SMAD6: variants seen among roughly 807,000 people sequenced by gnomAD.
The protein encoded by SMAD6 is MAD homolog 6.
A neutral mutation model predicts 39.4 loss-of-function variants in SMAD6; 103 were observed. The observed-to-expected ratio is 2.62, with a 90% CI of 2.23 to 3.08. The LOEUF (loss-of-function observed/expected upper bound fraction) is 3.08, where lower values mean the gene tolerates loss of function less well. Ranked by LOEUF, SMAD6 falls within the 30% of genes most tolerant of loss-of-function variation. The pLI is 0.00. For missense variants in SMAD6, 1,104 were observed against 742.9 expected, an observed-to-expected ratio of 1.49 and a Z score of -5.65; for synonymous variants, 445 against 353.3, an observed-to-expected ratio of 1.26 and a Z score of -2.91.
At chr15:66,768,750 G>A (rs983800671) in intron 3 of SMAD6, among the ~76,000 whole-genome samples, 1 of 152,108 alleles carries the variant, frequency 6.6e-6, no homozygotes, top group Non-Finnish European at 1.5e-5. Context: ...TTTCAAACCT[G>A]GGGCTGGGTT....
rs138641861 is a variant in SMAD6 at position 66,721,072 on chromosome 15, G to A, written c.952+4574G>A. On this transcript the variant is annotated intron_variant, in intron 3 of 3. Coordinates refer to ENST00000288840, the MANE Select transcript of SMAD6 (RefSeq NM_005585.5). ...ACCAGACTGTAAGCTCCTTGAGGGC[G>A]CAGATCATTTTGTAGATTGTTGCAT... is the stretch of plus-strand genomic sequence containing the variant. Among the ~76,000 whole-genome samples, 812 of 152,290 alleles carry A rather than the reference G, an allele frequency of 5.3e-3. 8 individuals are homozygous for A. The highest frequency in any genetic ancestry group is 0.019 in the African/African-American group (773 of 41,550).
Position 66,781,237 on chromosome 15 carries a change from A to ACGG in SMAD6, c.1196_1198dup (p.Gly399dup). 6.2e-7 allele frequency: 1 copy of ACGG among 1,608,692 alleles called. No homozygotes were observed. The highest frequency in any genetic ancestry group is 8.5e-7 in the Non-Finnish European group (1 of 1,179,608). ...GGCATCCTGCTCAGCAAGGAGCCCG[A>ACGG]CGGCGTGTGGGCCTACAACCGCGGC... On this transcript the variant is annotated inframe_insertion, in exon 4 of 4. Transcript: ENST00000288840.
chr15:66,757,432 C>T (rs989628142), intron 3 of SMAD6, among the ~76,000 whole-genome samples: 4 of 152,174 alleles, frequency 2.6e-5, no homozygotes, highest in East Asian at 3.9e-4. Context: ...CAGGAGACAG[C>T]GGACACATTA....
intron 3 of SMAD6, among the ~76,000 whole-genome samples, chr15:66,765,726 C>G (rs950474303): frequency 6.6e-6 from 1 of 152,154 alleles, no homozygotes; most frequent in Non-Finnish European, 1.5e-5. Context: ...TGGGGGCATG[C>G]AGGTTGGGTT....
At chr15:66,713,022 G>A (rs913817974) in intron 2 of SMAD6, among the ~76,000 whole-genome samples, 1 of 152,118 alleles carries the variant, frequency 6.6e-6, no homozygotes, top group Non-Finnish European at 1.5e-5. Context: ...CAAAATAAAA[G>A]TGGAGATTGC....
chr15:66,780,014 A>G (rs1456581036), intron 3 of SMAD6, among the ~76,000 whole-genome samples: 1 of 152,182 alleles, frequency 6.6e-6, no homozygotes, highest in Non-Finnish European at 1.5e-5. Context: ...AGACACACAG[A>G]CGGCCCGAGT....
At position 66,703,624 on chromosome 15, in the gene SMAD6, G is replaced by GTT; in HGVS notation, c.366_367insTT (p.Thr123LeufsTer3). 1 of 1,231,302 alleles carries GTT rather than the reference G, an allele frequency of 8.1e-7. No homozygotes were observed. The highest frequency in any genetic ancestry group is 1.0e-6 in the Non-Finnish European group (1 of 984,780). The allele number at this position is 1,231,302 out of a possible 1,614,324, so 76.3% of individuals were successfully genotyped here. A position where few individuals can be genotyped will look rare whatever the true frequency, so the allele number is the denominator to read the frequency against. On this transcript the variant is annotated frameshift_variant, in exon 1 of 4. Transcript: ENST00000288840. LOFTEE classifies it high-confidence loss of function. Reference sequence around the variant, plus strand: ...GCTGGCTGCCCGAGAGTGACTGCGAGACGGTGACCTGCTGTCTCTTTTCGG... The same window carrying GTT: ...GCTGGCTGCCCGAGAGTGACTGCGAGTTACGGTGACCTGCTGTCTCTTTTCGG...
intron 3 of SMAD6, among the ~76,000 whole-genome samples, chr15:66,717,918 C>G (rs1893361907): frequency 6.6e-6 from 1 of 152,124 alleles, no homozygotes; most frequent in Non-Finnish European, 1.5e-5. Context: ...AATTTCAATC[C>G]TTTCTTTTTT....
Position 66,781,443 on chromosome 15 carries a change from A to C in SMAD6, c.1399A>C (p.Ser467Arg). 1 of 1,605,208 alleles carries C rather than the reference A, an allele frequency of 6.2e-7. No homozygotes were observed. The highest frequency in any genetic ancestry group is 8.5e-7 in the Non-Finnish European group (1 of 1,178,154). ...CTACGACCCCAACAGCGTCCGCATC[A>C]GCTTCGCCAAGGGCTGGGGGCCCTG... ...GPYDPNSVRI[S>R]FAKGWGPCYS... is the part of the protein sequence containing the mutation. The change falls in exon 4 of 4, where the codon AGC becomes CGC. Residue 467 changes from serine to arginine, a missense_variant. Coordinates refer to ENST00000288840, the MANE Select transcript of SMAD6 (RefSeq NM_005585.5).
chr15:66,716,874 T>A lies in SMAD6; in HGVS notation c.952+376T>A, dbSNP rs1166177845. The A allele has an allele frequency of 2.9e-5, 20 of 696,006 alleles. No individual in the cohort carries two copies. In the South Asian group the frequency reaches 3.3e-4, roughly 12 times the overall value. 43.1% of individuals were successfully genotyped at this position (696,006 alleles called of 1,614,324 possible). Reference sequence around the variant, plus strand: ...GTGGTATACATTTGTCTTCCTCCTGTCCTCACTCCAGGGGAGGGACCAATG... The same window carrying A: ...GTGGTATACATTTGTCTTCCTCCTGACCTCACTCCAGGGGAGGGACCAATG... On this transcript the variant is annotated intron_variant, in intron 3 of 3. Transcript: ENST00000288840.
intron 1 of SMAD6, chr15:66,707,158 A>C (rs1234986504): frequency 1.3e-5 from 2 of 151,994 alleles, no homozygotes; most frequent in Non-Finnish European, 2.9e-5. Flanking sequence ...GTGGGTGCCT[A>C]TGTGGACGGA....
chr15:66,778,522 C>T (rs1004538740), intron 3 of SMAD6, among the ~76,000 whole-genome samples: 1 of 152,180 alleles, frequency 6.6e-6, no homozygotes, highest in African/African-American at 2.4e-5. Flanking sequence ...GCAGTGACCC[C>T]TCCCTTAGTG....
In SMAD6 at chr15:66,765,814, G is replaced by C. The variant is rs557729686; in HGVS notation, c.953-15183G>C. Among the ~76,000 whole-genome samples, 78 of 152,202 alleles carry C rather than the reference G, an allele frequency of 5.1e-4. 1 individual carries two copies. Among genetic ancestry groups the C allele is most frequent in the Admixed American group, 2.0e-3 (30 of 15,290 alleles). ...GCTGTTATTTTTAACTCTGGTGTTA[G>C]ACGTCCTTTCTTGCAGCAGTAGCCA... On this transcript the variant is annotated intron_variant, in intron 3 of 3. Coordinates refer to ENST00000288840, the MANE Select transcript of SMAD6 (RefSeq NM_005585.5).
rs75756002 is a variant in SMAD6, at chr15:66,719,720, G to C, written c.952+3222G>C. Among the ~76,000 whole-genome samples the C allele has an allele frequency of 7.8e-3, 1,187 of 152,348 alleles. 11 individuals carry two copies. The highest frequency in any genetic ancestry group is 0.025 in the African/African-American group (1,043 of 41,574). The stretch of plus-strand genomic sequence containing the variant: ...ATGGGCCTCTTGAGGCTTAGTCCCA[G>C]GCCCAGGCAGGCAAGGAGGCATGAG... On this transcript the variant is annotated intron_variant, in intron 3 of 3. Coordinates refer to ENST00000288840, the MANE Select transcript of SMAD6 (RefSeq NM_005585.5).
intron 2 of SMAD6, 146 bp downstream of exon 2, chr15:66,711,870 G>A (rs1171666531): frequency 1.5e-6 from 1 of 675,250 alleles, no homozygotes; most frequent in Non-Finnish European, 2.6e-6. Context: ...GAAATGGGGT[G>A]AAGTTGTACA....
At chr15:66,741,623 G>C (rs1379165005) in intron 3 of SMAD6, among the ~76,000 whole-genome samples, 1 of 152,198 alleles carries the variant, frequency 6.6e-6, no homozygotes, top group Non-Finnish European at 1.5e-5. Flanking sequence ...GCAGGTTCCT[G>C]GGCTCAGGCT....
chr15:66,737,432 G>T (rs1425422774), intron 3 of SMAD6, among the ~76,000 whole-genome samples: 3 of 152,190 alleles, frequency 2.0e-5, no homozygotes, highest in Admixed American at 1.3e-4. Context: ...GTGAGCGCGG[G>T]TCGGCTCACC....
intron 3 of SMAD6, among the ~76,000 whole-genome samples, chr15:66,764,682 G>A (rs1218009876): frequency 1.3e-5 from 2 of 152,080 alleles, no homozygotes; most frequent in African/African-American, 4.8e-5. Flanking sequence ...TGGGCCCAGA[G>A]GAGGGAAATG....
intron 3 of SMAD6, among the ~76,000 whole-genome samples, chr15:66,775,008 C>T (rs1042574887): frequency 1.3e-5 from 2 of 151,866 alleles, no homozygotes; most frequent in African/African-American, 2.4e-5. Context: ...TTAAGGCGCC[C>T]GCCACCACAC....
Sources: gnomAD v4.1 joint callset for allele counts (sites outside exome capture counted in the v4.1 genomes callset) on GRCh38, gnomAD v4.1.1 for gene constraint, MANE v1.5 for transcripts, NCBI Gene and HGNC (gene_info 2026-07-23, HGNC 2026-07-21) for gene names.